FBXO17: variants seen among roughly 807,000 people sequenced by gnomAD.
The protein encoded by FBXO17 is F-box only protein 17.
FBXO17 carries 43 observed loss-of-function variants against 34.1 expected under a neutral mutation model. That is an observed-to-expected ratio of 1.26 (90% CI 0.99 to 1.62). The LOEUF is 1.62. Among genes scored for constraint, FBXO17 ranks in the 40% most tolerant of loss-of-function variants. FBXO17 has a pLI of 0.00. For synonymous variants in FBXO17, 169 were observed against 166.0 expected, an observed-to-expected ratio of 1.02 and a Z score of -0.14; for missense variants, 424 against 386.7, an observed-to-expected ratio of 1.10 and a Z score of -0.81.
At chr19:38,951,585 T>A (rs1600193001) in intron 1 of FBXO17, among the ~76,000 whole-genome samples, 1 of 152,128 alleles carries the variant, frequency 6.6e-6, no homozygotes, top group East Asian at 1.9e-4. Flanking sequence ...TGTTCTCGGT[T>A]TGCTGGCTCT....
At chr19:38,963,387 C>T (rs1298456747) in intron 1 of FBXO17, among the ~76,000 whole-genome samples, 2 of 151,894 alleles carry the variant, frequency 1.3e-5, no homozygotes, top group Non-Finnish European at 2.9e-5. Context: ...CATGACCTCC[C>T]AGGCTCAAGC....
intron 3 of FBXO17, 82 bp from the exon 4 acceptor site, chr19:38,946,649 C>G: frequency 6.4e-7 from 1 of 1,565,004 alleles, no homozygotes; most frequent in Non-Finnish European, 8.7e-7. Flanking sequence ...TCCAAGAAGT[C>G]TCCCTTGATA....
chr19:38,946,421 C>A (rs1417035134), intron 4 of FBXO17, 51 bp downstream of exon 4: 2 of 1,610,430 alleles, frequency 1.2e-6, no homozygotes, highest in East Asian at 2.2e-5. Flanking sequence ...TGTTGCAGAG[C>A]CGCTGCCAAG....
At chr19:38,961,110 G>C (rs1460166216) in intron 1 of FBXO17, among the ~76,000 whole-genome samples, 1 of 151,844 alleles carries the variant, frequency 6.6e-6, no homozygotes, top group South Asian at 2.1e-4. Context: ...GCATGGCCCA[G>C]ATAATATACT....
intron 1 of FBXO17, among the ~76,000 whole-genome samples, chr19:38,956,496 T>C (rs1975169346): frequency 6.6e-6 from 1 of 152,106 alleles, no homozygotes; most frequent in Non-Finnish European, 1.5e-5. Flanking sequence ...AACAAGATGA[T>C]AGAATTCATG....
In FBXO17 at chr19:38,942,453, G is replaced by C. The variant is rs946496781; in HGVS notation, c.*155C>G. On this transcript the variant is annotated 3_prime_UTR_variant, in exon 6 of 6. Coordinates refer to ENST00000292852, the MANE Select transcript of FBXO17 (RefSeq NM_024907.7). Reference sequence around the variant, plus strand: ...TTTTTTAAAAATTATTTGTGGAGACGGTTTCACTATGTTGCCCAGGCTGGT... The same window carrying C: ...TTTTTTAAAAATTATTTGTGGAGACCGTTTCACTATGTTGCCCAGGCTGGT... The C allele has an allele frequency of 7.3e-6, 5 of 686,176 alleles. No homozygotes were observed. Among genetic ancestry groups the C allele is most frequent in the Admixed American group, 8.3e-5 (2 of 24,164 alleles). The allele number at this position is 686,176 out of a possible 1,614,324, so 42.5% of individuals were successfully genotyped here. A position where few individuals can be genotyped will look rare whatever the true frequency, so the allele number is the denominator to read the frequency against.
chr19:38,974,871 G>T (rs1375643209), intron 1 of FBXO17, among the ~76,000 whole-genome samples: 1 of 152,248 alleles, frequency 6.6e-6, no homozygotes, highest in Non-Finnish European at 1.5e-5. Context: ...TCCATGCAAA[G>T]CTCTGTCCTG....
rs752716960 is a variant in FBXO17, at chr19:38,945,067, G to A, written c.595C>T (p.Leu199Phe). The part of the protein sequence containing the change: ...ARENCGCVYQ[L>F]RVRLLDVYEK... The stretch of plus-strand genomic sequence containing the variant: ...TACACATCCAGAAGGCGGACCCGGA[G>A]CTGGTAGACGCAGCCGCAGTTCTCT... The change falls in exon 5 of 6, where the codon CTC becomes TTC. Residue 199 changes from leucine to phenylalanine, a missense_variant. Physicochemically the swap from Leu to Phe is conservative, Grantham distance 22 (BLOSUM62 0). Coordinates refer to ENST00000292852, the MANE Select transcript of FBXO17 (RefSeq NM_024907.7). 4 of 1,614,126 alleles carry A rather than the reference G, an allele frequency of 2.5e-6. No homozygotes were observed. The South Asian group carries it at 4.4e-5, about 18-fold the overall frequency.
chr19:38,974,152 G>A (rs1482119818), intron 1 of FBXO17, among the ~76,000 whole-genome samples: 1 of 150,094 alleles, frequency 6.7e-6, no homozygotes, highest in East Asian at 2.0e-4. Flanking sequence ...CACAATCTTG[G>A]CTCACTGCAA....
At chr19:38,964,798 T>C (rs1220025939) in intron 1 of FBXO17, among the ~76,000 whole-genome samples, 5 of 151,884 alleles carry the variant, frequency 3.3e-5, no homozygotes, top group Admixed American at 1.3e-4. Context: ...AAAAATTGCA[T>C]GCAGCCCCTG....
At chr19:38,966,492 G>T (rs1975324145) in intron 1 of FBXO17, among the ~76,000 whole-genome samples, 1 of 151,916 alleles carries the variant, frequency 6.6e-6, no homozygotes, top group Admixed American at 6.6e-5. Context: ...TTTTGCAATG[G>T]GCCATGCAAA....
In FBXO17 at chr19:38,946,318, C is replaced by T. The variant is rs570842275; in HGVS notation, c.557+154G>A. ...GGCTTCTCCAAAGCTCTACCTTCCC[C>T]GGCTCTGCATCACTTCCCCTCTCAG... On this transcript the variant is annotated intron_variant, in intron 4 of 5. Coordinates refer to ENST00000292852, the MANE Select transcript of FBXO17 (RefSeq NM_024907.7). 314 of 1,289,768 alleles carry T rather than the reference C, an allele frequency of 2.4e-4. 4 individuals are homozygous for T. In the South Asian group the frequency reaches 3.7e-3, roughly 15 times the overall value. The allele number at this position is 1,289,768 out of a possible 1,614,324, so 79.9% of individuals were successfully genotyped here. A position where few individuals can be genotyped will look rare whatever the true frequency, so the allele number is the denominator to read the frequency against.
intron 1 of FBXO17, among the ~76,000 whole-genome samples, chr19:38,966,293 T>TTGTGTGTG (rs10569438): frequency 0.015 from 2,095 of 142,984 alleles, 45 homozygotes; most frequent in African/African-American, 0.04. Flanking sequence ...ATTAAAAATT[T>TTGTGTGTG]TGTGTGTGTG....
intron 1 of FBXO17, among the ~76,000 whole-genome samples, chr19:38,966,322 G>GTGTGTGTGT (rs1487113035): frequency 2.0e-5 from 1 of 49,650 alleles, no homozygotes; most frequent in Non-Finnish European, 4.2e-5. Context: ...TGTGTGTGTG[G>GTGTGTGTGT]AGATGGGGTC....
intron 1 of FBXO17, among the ~76,000 whole-genome samples, chr19:38,962,277 T>C (rs1315147775): frequency 6.6e-6 from 1 of 152,250 alleles, no homozygotes; most frequent in East Asian, 1.9e-4. Flanking sequence ...GATGCTAAGT[T>C]TTTTTCAGTA....
intron 1 of FBXO17, among the ~76,000 whole-genome samples, chr19:38,955,999 C>T (rs1458383333): frequency 1.3e-5 from 2 of 151,972 alleles, no homozygotes; most frequent in Non-Finnish European, 2.9e-5. Flanking sequence ...GGCATGGTGG[C>T]TCACACCTGT....
rs1346225439 is a variant in FBXO17, at chr19:38,942,759, G to A, written c.694-8C>T. The A allele has an allele frequency of 2.5e-6, 4 of 1,599,484 alleles. No individual in the cohort carries two copies. The highest frequency in any genetic ancestry group is 3.4e-6 in the Non-Finnish European group (4 of 1,174,302). On this transcript the variant is annotated splice_polypyrimidine_tract_variant and splice_region_variant and intron_variant, in intron 5 of 5. Transcript: ENST00000292852. Reference sequence around the variant, plus strand: ...GGTGAAGACGTGGGAGACCTGCAGGGGGAAGGGGAGTGAGAGGGTGAGGGC... The same window carrying A: ...GGTGAAGACGTGGGAGACCTGCAGGAGGAAGGGGAGTGAGAGGGTGAGGGC...
At chr19:38,956,508 G>A (rs1247092082) in intron 1 of FBXO17, among the ~76,000 whole-genome samples, 1 of 152,140 alleles carries the variant, frequency 6.6e-6, no homozygotes, top group Non-Finnish European at 1.5e-5. Flanking sequence ...GAATTCATGA[G>A]CTGATCCAGC....
chr19:38,949,905 C>G, intron 2 of FBXO17, 66 bp downstream of exon 2: 1 of 1,447,980 alleles, frequency 6.9e-7, no homozygotes, highest in Non-Finnish European at 9.1e-7. Context: ...GACTCTGTCC[C>G]GGCCCCGCCC....
Sources: gnomAD v4.1 joint callset for allele counts (sites outside exome capture counted in the v4.1 genomes callset) on GRCh38, gnomAD v4.1.1 for gene constraint, MANE v1.5 for transcripts, NCBI Gene and HGNC (gene_info 2026-07-23, HGNC 2026-07-21) for gene names.